Variants in XRCC5 observed in about 807,000 individuals in gnomAD.
The protein encoded by XRCC5 is DNA repair protein Ku80.
A neutral mutation model predicts 95.7 loss-of-function variants in XRCC5; 12 were observed. The observed-to-expected ratio is 0.13, with a 90% CI of 0.08 to 0.20. The LOEUF (loss-of-function observed/expected upper bound fraction) is 0.20, where lower values mean the gene tolerates loss of function less well. Among genes scored for constraint, XRCC5 ranks in the 10% least tolerant of loss-of-function variants. XRCC5 has a pLI of 1.00. For missense variants in XRCC5, 595 were observed against 873.9 expected (o/e 0.68, Z 4.02); for synonymous variants, 281 against 290.3 (o/e 0.97, Z 0.33).
At position 216,194,928 on chromosome 2, in the gene XRCC5, C is replaced by A; in HGVS notation, c.2051C>A (p.Thr684Asn). 1 of 1,614,100 alleles carries A rather than the reference C, an allele frequency of 6.2e-7. No homozygotes were observed. The highest frequency in any genetic ancestry group is 8.5e-7 in the Non-Finnish European group (1 of 1,179,976). Residue 684 changes from threonine (T) to asparagine (N), a missense_variant, in exon 19 of 21, where the codon ACT (threonine) becomes AAT (asparagine). This residue lies in a region of XRCC5 where 309 missense variants were observed against 382.9 expected (regional missense o/e 0.81). Coordinates refer to ENST00000392132, the MANE Select transcript of XRCC5 (RefSeq NM_021141.4). ...FWEIVVQDGI[T>N]LITKEEASGS... ...CTGAATTACTTTTTAGATGGAATTA[C>A]TCTGATCACCAAAGAGGAAGCCTCT...
chr2:216,177,158 A>G (rs207938), intron 16 of XRCC5, among the ~76,000 whole-genome samples: 94,877 of 152,074 alleles, frequency 0.62, 30,688 homozygotes, highest in African/African-American at 0.79. Flanking sequence ...TAAAAAGTAC[A>G]TGTATTCACC....
chr2:216,116,554 A>G, intron 2 of XRCC5, 105 bp from the exon 3 acceptor site: 5 of 1,273,754 alleles, frequency 3.9e-6, no homozygotes, highest in Non-Finnish European at 5.6e-6. Context: ...GGCCCCAGGG[A>G]CCTGCCATAG....
intron 16 of XRCC5, among the ~76,000 whole-genome samples, chr2:216,173,287 T>A (rs1156577394): frequency 1.3e-5 from 2 of 152,172 alleles, no homozygotes; most frequent in South Asian, 4.1e-4. Flanking sequence ...GTGAACATCC[T>A]TGCCCTGTTC....
intron 16 of XRCC5, among the ~76,000 whole-genome samples, chr2:216,180,525 C>T (rs1689366469): frequency 6.6e-6 from 1 of 152,106 alleles, no homozygotes; most frequent in South Asian, 2.1e-4. Flanking sequence ...ACTCAGGAGG[C>T]TGAGGCACAA....
At chr2:216,111,840 G>A (rs1001716299) in intron 1 of XRCC5, among the ~76,000 whole-genome samples, 8 of 152,198 alleles carry the variant, frequency 5.3e-5, no homozygotes, top group African/African-American at 1.9e-4. Flanking sequence ...TTAACAGTGA[G>A]ATTAAGTGAC....
chr2:216,113,202 A>G, intron 2 of XRCC5, 73 bp downstream of exon 2: 2 of 1,286,990 alleles, frequency 1.6e-6, no homozygotes, highest in Non-Finnish European at 2.2e-6. Context: ...CTAATGCAAG[A>G]TACCAGCCTC....
chr2:216,151,690 G>A (rs905898848), intron 14 of XRCC5, among the ~76,000 whole-genome samples: 4 of 152,156 alleles, frequency 2.6e-5, no homozygotes, highest in African/African-American at 9.7e-5. Flanking sequence ...GTATCCCTAG[G>A]ACCTGGCAAA....
At chr2:216,111,136 G>A (rs144754209) in intron 1 of XRCC5, among the ~76,000 whole-genome samples, 9 of 152,200 alleles carry the variant, frequency 5.9e-5, no homozygotes, top group African/African-American at 1.9e-4. Flanking sequence ...TTTATCCCTC[G>A]TATGGAGTCG....
chr2:216,168,840 A>C (rs926442883), intron 16 of XRCC5, among the ~76,000 whole-genome samples: 2 of 152,250 alleles, frequency 1.3e-5, no homozygotes, highest in Non-Finnish European at 2.9e-5. Flanking sequence ...TCCCCATTCT[A>C]CTGATAGATA....
intron 1 of XRCC5, 87 bp from the exon 2 acceptor site, chr2:216,112,929 G>C (rs1437670939): frequency 1.3e-5 from 13 of 996,124 alleles, no homozygotes; most frequent in Non-Finnish European, 2.0e-5. Context: ...ACTGATACAG[G>C]TTCATGAATA....
chr2:216,109,471 C>T lies in XRCC5; in HGVS notation c.21+14C>T, dbSNP rs1696544495. 1.9e-6 allele frequency: 3 copies of T among 1,613,806 alleles called. No homozygotes were observed. The highest frequency in any genetic ancestry group is 2.2e-5 in the South Asian group (2 of 91,078). On this transcript the variant is annotated intron_variant, in intron 1 of 20. Transcript: ENST00000392132. ...TCGGGGAATAAGGTATAAAGAAAGC[C>T]ATGGACTTGGGCTTTACCCGGACTG...
chr2:216,197,825 T>TC (rs891712000), intron 19 of XRCC5, among the ~76,000 whole-genome samples: 4 of 152,122 alleles, frequency 2.6e-5, no homozygotes, highest in African/African-American at 9.7e-5. Context: ...TTCCTTTTTT[T>TC]CCCCACATTT....
At chr2:216,151,741 G>T (rs1400459723) in intron 14 of XRCC5, among the ~76,000 whole-genome samples, 1 of 152,188 alleles carries the variant, frequency 6.6e-6, no homozygotes, top group Admixed American at 6.5e-5. Flanking sequence ...TGGAGTAAAT[G>T]ATTTTAAAAA....
chr2:216,136,869 G>A (rs41296378), intron 10 of XRCC5, among the ~76,000 whole-genome samples: 1,996 of 152,278 alleles, frequency 0.013, 40 homozygotes, highest in African/African-American at 0.046. Flanking sequence ...GAGAAGGAAG[G>A]TTGAAGCAGT....
intron 1 of XRCC5, 74 bp from the exon 2 acceptor site, chr2:216,112,942 A>G (rs771063242): frequency 7.2e-5 from 84 of 1,162,946 alleles, no homozygotes; most frequent in East Asian, 3.5e-4. Context: ...CATGAATACA[A>G]TAAGCAAGGG....
At chr2:216,173,663 C>T (rs955423549) in intron 16 of XRCC5, among the ~76,000 whole-genome samples, 4 of 152,184 alleles carry the variant, frequency 2.6e-5, no homozygotes, top group Admixed American at 6.5e-5. Flanking sequence ...CCCATTCTAA[C>T]GGTGTTGAGA....
chr2:216,162,360 A>G (rs112953676), intron 16 of XRCC5, among the ~76,000 whole-genome samples: 3,343 of 152,208 alleles, frequency 0.022, 112 homozygotes, highest in African/African-American at 0.076. Context: ...CTATAAATAA[A>G]ACACTTTTAT....
chr2:216,116,010 G>A (rs1002666405), intron 2 of XRCC5, among the ~76,000 whole-genome samples: 11 of 152,046 alleles, frequency 7.2e-5, no homozygotes, highest in African/African-American at 2.2e-4. Flanking sequence ...TAATTCTGCA[G>A]CATATCTTTT....
rs1356697124 is a variant in XRCC5, at chr2:216,130,881, G to A, written c.944G>A (p.Arg315His). Residue 315 changes from arginine to histidine, a missense_variant, in exon 9 of 21, where the codon CGC becomes CAC. By Grantham distance (29) the Arg-to-His change is conservative. This residue lies in a region of XRCC5 where 286 missense variants were observed against 491.1 expected (regional missense o/e 0.58). Transcript: ENST00000392132. ...VLKEDIIQGFRYGSDIVPFSK... is the reference protein window; with the variant it reads ...VLKEDIIQGFHYGSDIVPFSK... ...CTCTTCTCTTTTTCTCCAGGGTTCC[G>A]CTATGGAAGTGATATAGTTCCTTTC... is the stretch of plus-strand genomic sequence containing the variant. The A allele has an allele frequency of 1.2e-6, 2 of 1,605,386 alleles. No individual in the cohort carries two copies. The highest frequency in any genetic ancestry group is 8.5e-7 in the Non-Finnish European group (1 of 1,176,890).
Sources: gnomAD v4.1 joint callset for allele counts (sites outside exome capture counted in the v4.1 genomes callset) on GRCh38, gnomAD v4.1.1 for gene constraint, gnomAD v4.1.1 regional missense constraint, MANE v1.5 for transcripts, NCBI Gene and HGNC (gene_info 2026-07-23, HGNC 2026-07-21) for gene names.